Variants in KIF4A observed in about 807,000 individuals in gnomAD.
KIF4A encodes chromosome-associated kinesin KIF4A.
KIF4A carries 7 observed loss-of-function variants against 105.9 expected under a neutral mutation model. The observed-to-expected ratio is 0.07, with a 90% CI of 0.04 to 0.12. The LOEUF (loss-of-function observed/expected upper bound fraction) is 0.12. Among genes scored for constraint, KIF4A ranks in the 10% least tolerant of loss-of-function variants. The pLI, the probability that KIF4A is intolerant of heterozygous loss-of-function variation, is 1.00. For synonymous variants in KIF4A, 281 were observed against 331.3 expected, an observed-to-expected ratio of 0.85 and a Z score of 1.65; for missense variants, 558 against 929.2, an observed-to-expected ratio of 0.60 and a Z score of 5.19.
intron 20 of KIF4A, among the ~76,000 whole-genome samples, chrX:70,388,938 A>G (rs1420627527): frequency 1.8e-5 from 2 of 112,159 alleles, no homozygotes; most frequent in Non-Finnish European, 3.8e-5. Flanking sequence ...TTATACTTAA[A>G]CAGTTTTCAT....
intron 18 of KIF4A, among the ~76,000 whole-genome samples, chrX:70,378,241 G>A (rs2086182605): frequency 9.0e-6 from 1 of 111,453 alleles, no homozygotes; most frequent in African/African-American, 3.3e-5. Flanking sequence ...AGCTACTTGG[G>A]AGGCTGAGGT....
chrX:70,333,551 T>C (rs1488566109), intron 9 of KIF4A, 77 bp from the exon 10 acceptor site: 13 of 674,140 alleles, frequency 1.9e-5, no homozygotes, highest in Non-Finnish European at 2.7e-5. Flanking sequence ...TTATTGCTAA[T>C]TGTGGTAATT....
At chrX:70,294,665 T>C (rs760965567) in intron 3 of KIF4A, among the ~76,000 whole-genome samples, 1 of 113,031 alleles carries the variant, frequency 8.8e-6, no homozygotes, top group South Asian at 3.6e-4. Context: ...ACTGTAACAA[T>C]TGAAGTTAAA....
At chrX:70,365,084 A>G (rs947862342) in intron 15 of KIF4A, among the ~76,000 whole-genome samples, 16 of 111,934 alleles carry the variant, frequency 1.4e-4, no homozygotes, top group Non-Finnish European at 2.6e-4. Context: ...ATTTTTGCAC[A>G]TTGATTTTGT....
chrX:70,380,035 A>T (rs2086191294), intron 18 of KIF4A, among the ~76,000 whole-genome samples: 1 of 111,615 alleles, frequency 9.0e-6, no homozygotes, highest in South Asian at 3.7e-4. Flanking sequence ...GGGCGTGGTG[A>T]CTCACACCTG....
At chrX:70,362,903 A>G (rs2086082562) in intron 15 of KIF4A, among the ~76,000 whole-genome samples, 1 of 111,579 alleles carries the variant, frequency 9.0e-6, no homozygotes, top group South Asian at 3.8e-4. Flanking sequence ...TTCTCTAAGA[A>G]ATAAAAGCAG....
chrX:70,411,575 A>G (rs2086322275), intron 28 of KIF4A, among the ~76,000 whole-genome samples: 2 of 110,729 alleles, frequency 1.8e-5, no homozygotes, highest in African/African-American at 6.6e-5. Flanking sequence ...GTCTAGCCAC[A>G]CATTGGAACA....
chrX:70,353,544 T>G, intron 14 of KIF4A, 78 bp from the exon 15 acceptor site: 2 of 875,139 alleles, frequency 2.3e-6, no homozygotes, highest in South Asian at 2.5e-5. Context: ...GAAGTGCCTG[T>G]GAGACTTGAT....
chrX:70,417,713 C>T (rs761761253), intron 28 of KIF4A, among the ~76,000 whole-genome samples, 175 bp from the exon 29 acceptor site: 15 of 112,114 alleles, frequency 1.3e-4, no homozygotes, highest in Non-Finnish European at 2.3e-4. Context: ...AAACCTATGA[C>T]GGTTCTTGGT....
chrX:70,337,049 T>G (rs1243662018), intron 10 of KIF4A, among the ~76,000 whole-genome samples: 1 of 112,746 alleles, frequency 8.9e-6, no homozygotes. Flanking sequence ...TCTTCAAGGT[T>G]CATCCATGTT....
chrX:70,357,200 G>A (rs1207748280), intron 15 of KIF4A, among the ~76,000 whole-genome samples: 1 of 111,405 alleles, frequency 9.0e-6, no homozygotes, highest in Non-Finnish European at 1.9e-5. Context: ...TGTAGTCCCA[G>A]CTACTGGGGA....
chrX:70,290,410 C>A (rs1414399678), intron 1 of KIF4A, 28 bp from the exon 2 acceptor site: 1 of 1,189,461 alleles, frequency 8.4e-7, no homozygotes, highest in Non-Finnish European at 1.1e-6. Flanking sequence ...TAACATTCAT[C>A]AGCGAGCCTT....
chrX:70,419,176 A>G (rs905261872), intron 29 of KIF4A, among the ~76,000 whole-genome samples: 1 of 111,972 alleles, frequency 8.9e-6, no homozygotes. Flanking sequence ...AGGATCCTCT[A>G]TTCCTGTGGT....
At chrX:70,382,284 A>C (rs925593282) in intron 18 of KIF4A, among the ~76,000 whole-genome samples, 2 of 111,622 alleles carry the variant, frequency 1.8e-5, no homozygotes, top group South Asian at 3.8e-4. Flanking sequence ...CAAAAAAATT[A>C]GCTGGGCATG....
intron 15 of KIF4A, among the ~76,000 whole-genome samples, chrX:70,357,230 C>A: frequency 9.0e-6 from 1 of 111,501 alleles, no homozygotes; most frequent in East Asian, 2.8e-4. Flanking sequence ...AGGAGAATGG[C>A]GTGAACCCAG....
At chrX:70,395,352 G>A (rs748682992) in intron 20 of KIF4A, among the ~76,000 whole-genome samples, 15 of 111,846 alleles carry the variant, frequency 1.3e-4, no homozygotes, top group Non-Finnish European at 2.6e-4. Context: ...AAATAGAATA[G>A]ATCATAAAAT....
At chrX:70,352,886 T>G (rs970117204) in intron 14 of KIF4A, among the ~76,000 whole-genome samples, 1 of 111,917 alleles carries the variant, frequency 8.9e-6, no homozygotes, top group African/African-American at 3.2e-5. Context: ...AAGAATGTAA[T>G]GTTCCATATT....
chrX:70,306,748 C>T (rs2030066256), intron 7 of KIF4A, among the ~76,000 whole-genome samples: 1 of 110,931 alleles, frequency 9.0e-6, no homozygotes, highest in Non-Finnish European at 1.9e-5. Flanking sequence ...ACCATGTTGG[C>T]CAGGCTGGTC....
intron 20 of KIF4A, among the ~76,000 whole-genome samples, chrX:70,391,753 A>G (rs2086238257): frequency 9.0e-6 from 1 of 111,091 alleles, no homozygotes; most frequent in Non-Finnish European, 1.9e-5. Context: ...GTAGTTTCTC[A>G]GTCCTCACCC....
Sources: gnomAD v4.1 joint callset for allele counts (sites outside exome capture counted in the v4.1 genomes callset) on GRCh38, gnomAD v4.1.1 for gene constraint, MANE v1.5 for transcripts, NCBI Gene and HGNC (gene_info 2026-07-23, HGNC 2026-07-21) for gene names.